RSPH3: variants seen among roughly 807,000 people sequenced by gnomAD.
RSPH3 encodes the protein radial spoke head protein 3 homolog.
Under a neutral mutation model 43.8 loss-of-function variants are expected in RSPH3, and 21 were observed. That is an observed-to-expected ratio of 0.48 (90% CI 0.34 to 0.69). The LOEUF (loss-of-function observed/expected upper bound fraction) is 0.69, where lower values mean the gene tolerates loss of function less well. Among genes scored for constraint, RSPH3 ranks in the 30% least tolerant of loss-of-function variants. The pLI is 0.01. For missense variants in RSPH3, 487 were observed against 516.0 expected (o/e 0.94, Z 0.54); for synonymous variants, 173 against 179.8 (o/e 0.96, Z 0.30).
At position 158,983,781 on chromosome 6, in the gene RSPH3, G is replaced by A. The variant is rs183977315; in HGVS notation, c.373C>T (p.Arg125Cys). 6.7e-5 allele frequency: 108 copies of A among 1,602,904 alleles called. No homozygotes were observed. In the East Asian group the frequency reaches 2.2e-3, roughly 32 times the overall value. The change falls in exon 4 of 8, where the codon CGC becomes TGC. Residue 125 changes from arginine to cysteine, a missense_variant. Arg to Cys is a radical substitution (Grantham distance 180). Transcript: ENST00000367069. ...TELYLEEIAD[R>C]IIEVDMECQT... ...CATTCCATATCAACTTCTATTATGC[G>A]ATCAGCAATTTCTTCAAGGTATAAT...
chr6:158,981,056 C>A, intron 5 of RSPH3, 120 bp from the exon 6 acceptor site: 4 of 866,316 alleles, frequency 4.6e-6, no homozygotes, highest in South Asian at 4.3e-5. Context: ...AGGTGTCTAT[C>A]TATTAAAGGT....
chr6:158,998,795 G>T (rs929239772), intron 1 of RSPH3, among the ~76,000 whole-genome samples: 1 of 151,944 alleles, frequency 6.6e-6, no homozygotes, highest in South Asian at 2.1e-4. Flanking sequence ...GAGTGGGGGA[G>T]GGGGGCGGAG....
chr6:158,996,493 A>T (rs1778601923), intron 1 of RSPH3, among the ~76,000 whole-genome samples: 1 of 152,208 alleles, frequency 6.6e-6, no homozygotes, highest in South Asian at 2.1e-4. Flanking sequence ...CCATTTCTGT[A>T]TTTGTGTAAC....
chr6:158,979,834 C>T (rs761927523), intron 6 of RSPH3, among the ~76,000 whole-genome samples: 1 of 152,134 alleles, frequency 6.6e-6, no homozygotes, highest in East Asian at 1.9e-4. Flanking sequence ...TGAGGACATG[C>T]AACTCTTCCT....
rs371339284 is a variant in RSPH3, at chr6:158,999,746, C to G, written c.-196G>C. 41 of 1,611,380 alleles carry G rather than the reference C, an allele frequency of 2.5e-5. No individual in the cohort carries two copies. The African/African-American group carries it at 5.5e-4, about 22-fold the overall frequency. ...AGGTGGGAGCTATACTGGGCTCGCT[C>G]CCAGCACCACAGAGACCAGCTGCGG... On this transcript the variant is annotated 5_prime_UTR_variant, in exon 1 of 8. Transcript: ENST00000367069.
rs764342113 is a variant in RSPH3 at position 158,993,916 on chromosome 6, G to T, written c.127C>A (p.Pro43Thr). The T allele has an allele frequency of 3.7e-6, 6 of 1,603,532 alleles. No homozygotes were observed. In the South Asian group the frequency reaches 5.5e-5, roughly 15 times the overall value. Residue 43 changes from proline to threonine, a missense_variant, in exon 2 of 8, where the codon CCT becomes ACT. Pro to Thr is a conservative substitution (Grantham distance 38). Transcript: ENST00000367069. The stretch of plus-strand genomic sequence containing the variant: ...TACATTATGTTTCCATAATGCATAG[G>T]TTCTTCATCTCTGTAAAACAGAAAA... ...RDSLTQPDEE[P>T]MHYGNIMYDR...
downstream of RSPH3, among the ~76,000 whole-genome samples, chr6:158,970,902 C>T (rs1366326351): frequency 6.6e-6 from 1 of 152,094 alleles, no homozygotes; most frequent in African/African-American, 2.4e-5. Flanking sequence ...TCAAGACTTT[C>T]AATTTTTTTT....
chr6:158,971,996 C>A (rs1018038233), downstream of RSPH3, among the ~76,000 whole-genome samples: 3 of 151,750 alleles, frequency 2.0e-5, no homozygotes, highest in Non-Finnish European at 4.4e-5. Context: ...TGGTGAATCT[C>A]ATTGGGAGAA....
At chr6:158,995,198 C>T (rs1476346466) in intron 1 of RSPH3, among the ~76,000 whole-genome samples, 3 of 152,164 alleles carry the variant, frequency 2.0e-5, no homozygotes, top group Non-Finnish European at 4.4e-5. Context: ...CTTCTCTCAA[C>T]TCTAGGCATA....
In RSPH3 at chr6:158,999,958, T is replaced by A; in HGVS notation, c.-408A>T. On this transcript the variant is annotated 5_prime_UTR_variant, in exon 1 of 8. The change creates a premature stop within an existing upstream ORF in the 5' untranslated region. Transcript: ENST00000367069. ...AGGTTCCTGGCTAGGGAGGCGGCCT[T>A]GGCTGGCTTGACCGTCATCCTTGAG... 1 of 1,600,090 alleles carries A rather than the reference T, an allele frequency of 6.2e-7. No individual in the cohort carries two copies. Among genetic ancestry groups the A allele is most frequent in the Non-Finnish European group, 8.5e-7 (1 of 1,172,712 alleles).
downstream of RSPH3, among the ~76,000 whole-genome samples, chr6:158,970,548 T>C (rs1777684190): frequency 6.6e-6 from 1 of 151,712 alleles, no homozygotes; most frequent in Admixed American, 6.6e-5. Context: ...AAGCTTTTCT[T>C]TTTTTTTCAT....
At chr6:158,985,561 G>C (rs1001722621) in intron 3 of RSPH3, among the ~76,000 whole-genome samples, 1 of 152,238 alleles carries the variant, frequency 6.6e-6, no homozygotes, top group Middle Eastern at 3.4e-3. Flanking sequence ...CTACTGAGTA[G>C]CTGGAATTAC....
intron 6 of RSPH3, among the ~76,000 whole-genome samples, chr6:158,978,585 GGC>G (rs1388855883): frequency 2.0e-5 from 3 of 152,022 alleles, no homozygotes; most frequent in African/African-American, 7.3e-5. Context: ...CTGTTGCCCA[GGC>G]TGGAGTGCGG....
At position 158,999,867 on chromosome 6, in the gene RSPH3, C is replaced by G; in HGVS notation, c.-317G>C. On this transcript the variant is annotated 5_prime_UTR_variant, in exon 1 of 8. Coordinates refer to ENST00000367069, the MANE Select transcript of RSPH3 (RefSeq NM_031924.8). ...AGGTTTCCCGGGAAGGACTGCGGCA[C>G]AAGGGACTTCCGGCTCTTGACTCCG... 5 of 1,613,800 alleles carry G rather than the reference C, an allele frequency of 3.1e-6. No homozygotes were observed. Among genetic ancestry groups the G allele is most frequent in the Non-Finnish European group, 4.2e-6 (5 of 1,179,950 alleles).
chr6:158,981,967 T>C (rs980935754), intron 5 of RSPH3, among the ~76,000 whole-genome samples: 16 of 152,188 alleles, frequency 1.1e-4, no homozygotes, highest in African/African-American at 3.9e-4. Flanking sequence ...TCTAAAAATC[T>C]AGAATCTGAA....
downstream of RSPH3, among the ~76,000 whole-genome samples, chr6:158,967,893 G>T (rs1446431482): frequency 6.6e-6 from 1 of 152,058 alleles, no homozygotes; most frequent in East Asian, 1.9e-4. Context: ...AGCTACCCCA[G>T]CTCTTTTTTG....
At chr6:158,979,873 G>C (rs1777974303) in intron 6 of RSPH3, among the ~76,000 whole-genome samples, 1 of 152,136 alleles carries the variant, frequency 6.6e-6, no homozygotes, top group South Asian at 2.1e-4. Context: ...TAGGAACGTG[G>C]ACTTTGAGGG....
intron 5 of RSPH3, 81 bp downstream of exon 5, chr6:158,982,404 T>C (rs912960977): frequency 7.4e-5 from 63 of 848,880 alleles, no homozygotes; most frequent in Non-Finnish European, 1.1e-4. Context: ...AGTTTTATGA[T>C]ATATCATCAC....
Position 158,999,740 on chromosome 6 carries a change from C to T in RSPH3, c.-190G>A, listed in dbSNP as rs755765579. 1.5e-5 allele frequency: 24 copies of T among 1,611,652 alleles called. No homozygotes were observed. The African/African-American group carries it at 1.7e-4, about 12-fold the overall frequency. ...CGCAGGAGGTGGGAGCTATACTGGG[C>T]TCGCTCCCAGCACCACAGAGACCAG... On this transcript the variant is annotated 5_prime_UTR_variant, in exon 1 of 8. Coordinates refer to ENST00000367069, the MANE Select transcript of RSPH3 (RefSeq NM_031924.8).
Sources: allele counts gnomAD v4.1 joint callset (sites outside exome capture counted in the v4.1 genomes callset), GRCh38; gene constraint gnomAD v4.1.1; transcripts MANE v1.5; gene names NCBI Gene and HGNC (gene_info 2026-07-23, HGNC 2026-07-21).